Variants in RBFOX1 observed in about 807,000 individuals in gnomAD.
RBFOX1 encodes the protein RNA binding protein fox-1 homolog 1.
A neutral mutation model predicts 57.7 loss-of-function variants in RBFOX1; 8 were observed. The ratio of observed to expected loss-of-function variants is 0.14; its 90% CI spans 0.08 to 0.25. The LOEUF (loss-of-function observed/expected upper bound fraction) is 0.25. Among genes scored for constraint, RBFOX1 ranks in the 10% least tolerant of loss-of-function variants. The probability of loss-of-function intolerance (pLI) is 1.00; values close to 1 mark genes in which losing one functional copy is unlikely to be tolerated. For missense variants in RBFOX1, 611 were observed against 548.5 expected (o/e 1.11, Z -1.14); for synonymous variants, 326 against 222.4 (o/e 1.47, Z -4.15).
chr16:7,250,600 G>A (rs959687776), intron 4 of RBFOX1, among the ~76,000 whole-genome samples: 2 of 152,196 alleles, frequency 1.3e-5, no homozygotes, highest in Non-Finnish European at 2.9e-5. Context: ...CAGGGACGGG[G>A]ATCATAACTA....
intron 2 of RBFOX1, among the ~76,000 whole-genome samples, chr16:6,487,810 T>C (rs1353402099): frequency 6.8e-6 from 1 of 148,084 alleles, no homozygotes; most frequent in Non-Finnish European, 1.5e-5. Context: ...CCTAAAGTAA[T>C]GTCTGGAATT....
rs561187886 is a variant in RBFOX1 at position 5,578,637 on chromosome 16, C to T, written c.259-20265C>T. Among the ~76,000 whole-genome samples the T allele has an allele frequency of 5.9e-5, 9 of 152,190 alleles. No homozygotes were observed. In the East Asian group the frequency reaches 1.4e-3, roughly 23 times the overall value. On this transcript the variant is annotated intron_variant, in intron 2 of 2. Transcript: ENST00000585867. Reference sequence around the variant, plus strand: ...CTGCCTTGTTGTTCTATTAATTTAGCGCCAACAGCTGTTAGATCTAAGGCC... The same window carrying T: ...CTGCCTTGTTGTTCTATTAATTTAGTGCCAACAGCTGTTAGATCTAAGGCC...
rs144748256 is a variant in RBFOX1, at chr16:6,678,398, A to G, written c.-16+23748A>G. Among the ~76,000 whole-genome samples, 247 of 152,226 alleles carry G rather than the reference A, an allele frequency of 1.6e-3. No homozygotes were observed. In the East Asian group the frequency reaches 0.027, roughly 17 times the overall value. The stretch of plus-strand genomic sequence containing the variant: ...CTCAGCCTCCTAAAGTGCTGGGATT[A>G]CAGGCATGAGCCGCTGCACCTGGCC... On this transcript the variant is annotated intron_variant, in intron 3 of 15. Transcript: ENST00000550418.
At chr16:7,007,501 A>G (rs2093369184) in intron 3 of RBFOX1, among the ~76,000 whole-genome samples, 1 of 152,122 alleles carries the variant, frequency 6.6e-6, no homozygotes, top group South Asian at 2.1e-4. Flanking sequence ...CACGCATCGT[A>G]TTGACAGGTT....
At chr16:6,826,736 C>A (rs143817555) in intron 3 of RBFOX1, among the ~76,000 whole-genome samples, 1 of 152,058 alleles carries the variant, frequency 6.6e-6, no homozygotes, top group Non-Finnish European at 1.5e-5. Flanking sequence ...GCTCATTTCT[C>A]TTTAATAATT....
At chr16:5,696,784 A>G (rs2050858555) in intron 3 of RBFOX1, among the ~76,000 whole-genome samples, 1 of 152,124 alleles carries the variant, frequency 6.6e-6, no homozygotes, top group African/African-American at 2.4e-5. Context: ...GACTTTCTTC[A>G]TGTCTGTCTA....
chr16:6,805,813 C>T (rs1457541407), intron 3 of RBFOX1, among the ~76,000 whole-genome samples: 1 of 152,196 alleles, frequency 6.6e-6, no homozygotes, highest in Non-Finnish European at 1.5e-5. Flanking sequence ...ATCTTCGCTG[C>T]CCTGTTGTCC....
chr16:6,162,304 C>A (rs539663794), intron 1 of RBFOX1, among the ~76,000 whole-genome samples: 1 of 152,040 alleles, frequency 6.6e-6, no homozygotes, highest in Non-Finnish European at 1.5e-5. Flanking sequence ...TTAGTAGAGA[C>A]GGGGTTTCAC....
chr16:6,535,607 T>A (rs571039047), intron 2 of RBFOX1, among the ~76,000 whole-genome samples: 1 of 152,352 alleles, frequency 6.6e-6, no homozygotes, highest in East Asian at 1.9e-4. Context: ...CAGTGAATGA[T>A]TGAATGATTC....
At chr16:6,292,329 A>G (rs12447494) in intron 1 of RBFOX1, among the ~76,000 whole-genome samples, 26,217 of 151,812 alleles carry the variant, frequency 0.17, 2,465 homozygotes, top group Middle Eastern at 0.26. Context: ...TGGTGGAACT[A>G]CCACCAATGG....
chr16:6,552,513 A>G (rs1306731658), intron 2 of RBFOX1, among the ~76,000 whole-genome samples: 1 of 152,224 alleles, frequency 6.6e-6, no homozygotes. Flanking sequence ...TGCCTGGTCT[A>G]TGGTAATTGC....
At chr16:6,385,194 G>T (rs1384354672) in intron 2 of RBFOX1, among the ~76,000 whole-genome samples, 2 of 152,176 alleles carry the variant, frequency 1.3e-5, no homozygotes, top group East Asian at 3.9e-4. Context: ...GTTAAAGCTG[G>T]TTGAGCCAAG....
chr16:5,731,623 C>T (rs112689131), intron 3 of RBFOX1, among the ~76,000 whole-genome samples: 1 of 152,084 alleles, frequency 6.6e-6, no homozygotes, highest in Non-Finnish European at 1.5e-5. Context: ...TGTAATCTCT[C>T]TTAGAGGCAA....
chr16:7,304,375 CAG>C, intron 4 of RBFOX1: 1 of 985,390 alleles, frequency 1.0e-6, no homozygotes, highest in South Asian at 4.7e-5. Context: ...CGGCGGGCGC[CAG>C]AGAGACATGA....
At chr16:5,856,605 A>ATATATATATAGATATATAT in intron 3 of RBFOX1, among the ~76,000 whole-genome samples, 1 of 74,012 alleles carries the variant, frequency 1.4e-5, no homozygotes, top group South Asian at 5.0e-4. Flanking sequence ...ATATATATAT[A>ATATATATATAGATATATAT]ATCTTAGCCA....
intron 3 of RBFOX1, among the ~76,000 whole-genome samples, chr16:6,950,412 C>T: frequency 6.6e-6 from 1 of 152,238 alleles, no homozygotes; most frequent in East Asian, 1.9e-4. Flanking sequence ...CCAGCATGCA[C>T]TGAGAACAGG....
At chr16:6,046,578 C>A (rs2095497952) in intron 1 of RBFOX1, among the ~76,000 whole-genome samples, 1 of 151,882 alleles carries the variant, frequency 6.6e-6, no homozygotes, top group Non-Finnish European at 1.5e-5. Context: ...TAAATGAGTT[C>A]TCAAGGACAG....
In RBFOX1 at chr16:6,060,266, A is replaced by G. The variant is rs140623443; in HGVS notation, c.-127+40274A>G. ...TCAAATTCTCCTCTTCTTAGCCACA[A>G]TTTGGCTCAGAGGATTTGCACCATT... On this transcript the variant is annotated intron_variant, in intron 1 of 15. Coordinates refer to ENST00000550418, the MANE Select transcript of RBFOX1 (RefSeq NM_018723.4). 3.0e-3 allele frequency among the ~76,000 whole-genome samples: 456 copies of G among 151,694 alleles called. 2 individuals carry two copies. The highest frequency in any genetic ancestry group is 0.01 in the African/African-American group (422 of 41,324).
At chr16:7,073,521 G>GAAATGTCCA (rs1236544201) in intron 4 of RBFOX1, among the ~76,000 whole-genome samples, 31 of 152,220 alleles carry the variant, frequency 2.0e-4, no homozygotes, top group African/African-American at 7.5e-4. Context: ...CCACACAATT[G>GAAATGTCCA]AAATGTCCAA....
Sources: allele counts gnomAD v4.1 joint callset (sites outside exome capture counted in the v4.1 genomes callset), GRCh38; gene constraint gnomAD v4.1.1; transcripts MANE v1.5; gene names NCBI Gene and HGNC (gene_info 2026-07-23, HGNC 2026-07-21).